Variants in NFS1 observed in about 807,000 individuals in gnomAD.
The protein encoded by NFS1 is NFS1 cysteine desulfurase.
Under a neutral mutation model 57.3 loss-of-function variants are expected in NFS1, and 26 were observed. The observed-to-expected ratio is 0.45, with a 90% confidence interval of 0.33 to 0.63. The LOEUF (loss-of-function observed/expected upper bound fraction) is 0.63. Ranked by LOEUF, NFS1 falls within the 20% of genes least tolerant of loss-of-function variation. The pLI, the probability that NFS1 is intolerant of heterozygous loss-of-function variation, is 0.02. For synonymous variants in NFS1, 209 were observed against 216.3 expected (o/e 0.97, Z 0.30); for missense variants, 505 against 605.8 (o/e 0.83, Z 1.75).
intron 12 of NFS1, among the ~76,000 whole-genome samples, chr20:35,670,847 A>G (rs1022447464): frequency 3.9e-5 from 6 of 152,222 alleles, no homozygotes; most frequent in Admixed American, 1.3e-4. Flanking sequence ...TAAGCAATAC[A>G]GCTAGACCCT....
intron 7 of NFS1, among the ~76,000 whole-genome samples, chr20:35,677,167 C>T (rs1163504766): frequency 6.6e-6 from 1 of 152,124 alleles, no homozygotes; most frequent in African/African-American, 2.4e-5. Context: ...ACCTGGCTGT[C>T]TGTGCACTTT....
At chr20:35,694,376 C>T (rs2035095574) in intron 4 of NFS1, among the ~76,000 whole-genome samples, 1 of 152,064 alleles carries the variant, frequency 6.6e-6, no homozygotes, top group Non-Finnish European at 1.5e-5. Flanking sequence ...AACTCCTGAT[C>T]TCAGATGATC....
Position 35,699,048 on chromosome 20 carries a change from A to C in NFS1, c.97+144T>G. 1 of 1,320,342 alleles carries C rather than the reference A, an allele frequency of 7.6e-7. No individual in the cohort carries two copies. Among genetic ancestry groups the C allele is most frequent in the Non-Finnish European group, 9.6e-7 (1 of 1,037,520 alleles). The allele number at this position is 1,320,342 out of a possible 1,614,324, so 81.8% of individuals were successfully genotyped here. A position where few individuals can be genotyped will look rare whatever the true frequency, so the allele number is the denominator to read the frequency against. ...GGTCAACCGTTCGGGGACCCGCCTA[A>C]GAAAGTTTGAGGGATGTGTCATTTG... On this transcript the variant is annotated intron_variant, in intron 1 of 12. Transcript: ENST00000374092. This position sits in a 1 kb window ranked among gnomAD's most constrained non-coding sequence, Gnocchi z 4.4.
chr20:35,689,661 T>C (rs557088499), intron 5 of NFS1, among the ~76,000 whole-genome samples: 1 of 151,842 alleles, frequency 6.6e-6, no homozygotes, highest in African/African-American at 2.4e-5. Context: ...TCCCAGCTAC[T>C]TGGGAGGCCG....
intron 5 of NFS1, among the ~76,000 whole-genome samples, chr20:35,683,790 CAAAAAAAA>C (rs151037025): frequency 3.7e-5 from 2 of 54,024 alleles, no homozygotes; most frequent in African/African-American, 1.3e-4. Flanking sequence ...GACTCCATCT[CAAAAAAAA>C]AAAAAAAAAA....
At chr20:35,689,732 T>G in intron 5 of NFS1, among the ~76,000 whole-genome samples, 1 of 146,398 alleles carries the variant, frequency 6.8e-6, no homozygotes, top group African/African-American at 2.5e-5. Context: ...ATCGCGCCAC[T>G]GCACTCCAGC....
At chr20:35,698,344 C>A in intron 2 of NFS1, 137 bp downstream of exon 2, 1 of 678,842 alleles carries the variant, frequency 1.5e-6, no homozygotes, top group Non-Finnish European at 2.5e-6. Flanking sequence ...GAATTTAAGC[C>A]TCCCGACTCC....
Position 35,698,579 on chromosome 20 carries a change from C to T in NFS1, c.109G>A (p.Ala37Thr). 2 of 1,611,534 alleles carry T rather than the reference C, an allele frequency of 1.2e-6. No homozygotes were observed. Among genetic ancestry groups the T allele is most frequent in the Non-Finnish European group, 1.7e-6 (2 of 1,179,164 alleles). ...RGLRLRVGDR[A>T]PQSAVPADTA... Reference sequence around the variant, plus strand: ...TCTGCGGGAACCGCAGACTGAGGAGCACGGTCTCCAACTGATAAAAAATGG... The same window carrying T: ...TCTGCGGGAACCGCAGACTGAGGAGTACGGTCTCCAACTGATAAAAAATGG... Residue 37 changes from alanine to threonine, a missense_variant, in exon 2 of 13, where the codon GCT (alanine) becomes ACT (threonine). Physicochemically the swap from Ala to Thr is moderately conservative, Grantham distance 58 (BLOSUM62 0). Transcript: ENST00000374092.
intron 5 of NFS1, among the ~76,000 whole-genome samples, chr20:35,688,073 G>A (rs975012685): frequency 3.3e-5 from 5 of 151,822 alleles, no homozygotes; most frequent in African/African-American, 9.7e-5. Context: ...GTGAAACCCT[G>A]ACTCTACTAA....
chr20:35,697,685 T>C lies in NFS1; in HGVS notation c.323A>G (p.Gln108Arg). 6.2e-7 allele frequency: 1 copy of C among 1,610,200 alleles called. No individual in the cohort carries two copies. Among genetic ancestry groups the C allele is most frequent in the African/African-American group, 1.3e-5 (1 of 74,924 alleles). Reference sequence around the variant, plus strand: ...CCTCCTAGACTCCTGTGTACTAACCTGACGAGCACGTTCCATGGCTGCCTC... The same window carrying C: ...CCTCCTAGACTCCTGTGTACTAACCCGACGAGCACGTTCCATGGCTGCCTC... ...ESEAAMERARQQVASLIGADP... is the reference protein window; with the variant it reads ...ESEAAMERARRQVASLIGADP... The change falls in exon 3 of 13, where the codon CAG becomes CGG. Residue 108 changes from glutamine to arginine, a missense_variant and splice_region_variant. By Grantham distance (43) the Gln-to-Arg change is conservative. Transcript: ENST00000374092.
intron 7 of NFS1, chr20:35,676,284 T>TA (rs879356865): frequency 6.9e-4 from 96 of 139,082 alleles, no homozygotes; most frequent in Admixed American, 1.2e-3. Flanking sequence ...AAACTCCGTC[T>TA]AAAAAAAAAA....
At chr20:35,678,528 CAAAAAAA>C (rs1169564584) in intron 7 of NFS1, among the ~76,000 whole-genome samples, 2 of 56,920 alleles carry the variant, frequency 3.5e-5, no homozygotes, top group Non-Finnish European at 7.2e-5. Context: ...GACTTTGTCT[CAAAAAAA>C]AAAAAAAAAA....
chr20:35,699,110 A>T lies in NFS1; in HGVS notation c.97+82T>A, dbSNP rs2035197000. 5 of 1,355,292 alleles carry T rather than the reference A, an allele frequency of 3.7e-6. No individual in the cohort carries two copies. In the South Asian group the frequency reaches 7.3e-5, roughly 20 times the overall value. 84.0% of individuals were successfully genotyped at this position (1,355,292 alleles called of 1,614,324 possible). A position where few individuals can be genotyped will look rare whatever the true frequency, so the allele number is the denominator to read the frequency against. Reference sequence around the variant, plus strand: ...AGAGGGTCTGGGCAGCAGGGTGGACAGGAAGGCTCCGGAATATTCAGTTGC... The same window carrying T: ...AGAGGGTCTGGGCAGCAGGGTGGACTGGAAGGCTCCGGAATATTCAGTTGC... On this transcript the variant is annotated intron_variant, in intron 1 of 12. Transcript: ENST00000374092. This position sits in a 1 kb window ranked among gnomAD's most constrained non-coding sequence, Gnocchi z 4.4.
At chr20:35,675,920 T>C (rs2034733527) in intron 7 of NFS1, 1 of 137,606 alleles carries the variant, frequency 7.3e-6, no homozygotes, top group Non-Finnish European at 1.6e-5. Flanking sequence ...ACTGACACCA[T>C]AAAATCTCCA....
rs771261417 is a variant in NFS1 at position 35,674,583 on chromosome 20, C to T, written c.983G>A (p.Arg328Gln). 66 of 1,614,042 alleles carry T rather than the reference C, an allele frequency of 4.1e-5. No homozygotes were observed. In the Middle Eastern group the frequency reaches 4.9e-4, roughly 12 times the overall value. Residue 328 changes from arginine (R) to glutamine (Q), a missense_variant, in exon 9 of 13, where the codon CGG becomes CAG. Arg to Gln is a conservative substitution (Grantham distance 43, BLOSUM62 1). Transcript: ENST00000374092. ...DHKRISKLSE[R>Q]LIQNIMKSLP... Reference sequence around the variant, plus strand: ...GCTCTTCATTATATTCTGTATCAGCCGCTCTGACAACTTTGAGATTCGCTT... The same window carrying T: ...GCTCTTCATTATATTCTGTATCAGCTGCTCTGACAACTTTGAGATTCGCTT...
At chr20:35,678,662 C>T (rs1322336149) in intron 7 of NFS1, among the ~76,000 whole-genome samples, 1 of 151,990 alleles carries the variant, frequency 6.6e-6, no homozygotes, top group South Asian at 2.1e-4. Flanking sequence ...GAGATCACAC[C>T]ACTGCACTCC....
At chr20:35,681,379 T>A (rs2034846248) in intron 6 of NFS1, among the ~76,000 whole-genome samples, 1 of 152,140 alleles carries the variant, frequency 6.6e-6, no homozygotes, top group Non-Finnish European at 1.5e-5. Context: ...TGGCAGCAAC[T>A]GCAATAAAAT....
intron 7 of NFS1, among the ~76,000 whole-genome samples, chr20:35,680,413 A>G (rs910477761): frequency 6.6e-6 from 1 of 152,226 alleles, no homozygotes; most frequent in Non-Finnish European, 1.5e-5. Flanking sequence ...TGCACATCAT[A>G]GTGGGGAAAA....
chr20:35,695,207 C>T (rs143978264), intron 4 of NFS1, among the ~76,000 whole-genome samples: 2 of 152,166 alleles, frequency 1.3e-5, no homozygotes, highest in African/African-American at 2.4e-5. Flanking sequence ...TTTGGAGGAA[C>T]CTTCACCCCG....
Sources: gnomAD v4.1 joint callset for allele counts (sites outside exome capture counted in the v4.1 genomes callset) on GRCh38, gnomAD v4.1.1 for gene constraint, Gnocchi (gnomAD v3.1) non-coding constraint, MANE v1.5 for transcripts, NCBI Gene and HGNC (gene_info 2026-07-23, HGNC 2026-07-21) for gene names.